CDKL1: variants seen among roughly 807,000 people sequenced by gnomAD.
CDKL1 encodes cyclin dependent kinase like 1, also known as cyclin-dependent kinase-like 1.
CDKL1 carries 41 observed loss-of-function variants against 42.0 expected under a neutral mutation model. That is an observed-to-expected ratio of 0.98 (90% CI 0.76 to 1.27). The LOEUF is 1.27. Ranked by LOEUF, CDKL1 falls within the 50% of genes most tolerant of loss-of-function variation. CDKL1 has a pLI of 0.00. For missense variants in CDKL1, 394 were observed against 428.4 expected (o/e 0.92, Z 0.71); for synonymous variants, 153 against 158.6 (o/e 0.96, Z 0.26).
At chr14:50,342,022 C>T in intron 5 of CDKL1, 110 bp downstream of exon 5, 1 of 802,986 alleles carries the variant, frequency 1.2e-6, no homozygotes, top group Non-Finnish European at 2.1e-6. Flanking sequence ...CACACTTATG[C>T]CCTAAATATA....
At chr14:50,354,151 C>T (rs558956293) in intron 3 of CDKL1, among the ~76,000 whole-genome samples, 1 of 152,122 alleles carries the variant, frequency 6.6e-6, no homozygotes, top group African/African-American at 2.4e-5. Context: ...GACGGGGTTT[C>T]ACCATGTTGG....
At chr14:50,367,492 A>C (rs1966817099) in intron 2 of CDKL1, among the ~76,000 whole-genome samples, 1 of 152,218 alleles carries the variant, frequency 6.6e-6, no homozygotes, top group South Asian at 2.1e-4. Context: ...GAATGTTTGC[A>C]TTCACAAGGG....
At chr14:50,372,299 G>A (rs2034612023) in intron 2 of CDKL1, among the ~76,000 whole-genome samples, 1 of 151,788 alleles carries the variant, frequency 6.6e-6, no homozygotes, top group Admixed American at 6.6e-5. Context: ...TGTATTTTTA[G>A]TAGAGACAGA....
chr14:50,397,215 C>T, upstream of CDKL1: 1 of 1,366,650 alleles, frequency 7.3e-7, no homozygotes, highest in Non-Finnish European at 9.8e-7. Context: ...GCAGTCCCCA[C>T]ACCTCAGAAC....
intron 2 of CDKL1, chr14:50,364,103 T>C (rs1041999293): frequency 6.6e-6 from 1 of 152,276 alleles, no homozygotes; most frequent in Non-Finnish European, 1.5e-5. Context: ...CACAGCCATA[T>C]CCATTTGTCT....
At chr14:50,347,071 G>C (rs948190558) in intron 3 of CDKL1, among the ~76,000 whole-genome samples, 2 of 152,138 alleles carry the variant, frequency 1.3e-5, no homozygotes, top group African/African-American at 4.8e-5. Flanking sequence ...TATCATTATT[G>C]CTCCTTTAAT....
intron 2 of CDKL1, among the ~76,000 whole-genome samples, chr14:50,375,814 G>A (rs1180411329): frequency 6.6e-6 from 1 of 151,984 alleles, no homozygotes; most frequent in Non-Finnish European, 1.5e-5. Context: ...AAAAATAGCG[G>A]TAAGTCATGT....
At chr14:50,336,408 A>C (rs1047240834) in intron 7 of CDKL1, among the ~76,000 whole-genome samples, 2 of 152,158 alleles carry the variant, frequency 1.3e-5, no homozygotes, top group Non-Finnish European at 2.9e-5. Flanking sequence ...TTTAGTGCAC[A>C]ACTGGGAATG....
At chr14:50,330,904 AG>A (rs2032901496) in intron 9 of CDKL1, 1 of 151,348 alleles carries the variant, frequency 6.6e-6, no homozygotes, top group Non-Finnish European at 1.5e-5. Flanking sequence ...AGTGCTTTTT[AG>A]TACTTTTAAA....
intron 8 of CDKL1, 29 bp downstream of exon 8, chr14:50,334,536 C>T (rs779631482): frequency 3.0e-6 from 4 of 1,347,818 alleles, no homozygotes; most frequent in Non-Finnish European, 4.3e-6. Flanking sequence ...CTGTGTGCTT[C>T]CTGGTCTGTT....
intron 2 of CDKL1, among the ~76,000 whole-genome samples, chr14:50,366,385 T>C (rs2034436182): frequency 6.6e-6 from 1 of 152,114 alleles, no homozygotes; most frequent in Non-Finnish European, 1.5e-5. Context: ...AGAACTTGGG[T>C]CACTTCAGCA....
intron 8 of CDKL1, chr14:50,332,722 T>G: frequency 6.6e-7 from 1 of 1,520,498 alleles, no homozygotes; most frequent in Non-Finnish European, 8.8e-7. Context: ...TTTTAGAGTT[T>G]ACCTCAGTGG....
intron 3 of CDKL1, among the ~76,000 whole-genome samples, chr14:50,355,213 A>C (rs1206578684): frequency 6.6e-6 from 1 of 152,122 alleles, no homozygotes; most frequent in Non-Finnish European, 1.5e-5. Context: ...TGGATATTTC[A>C]GTTGATTGCA....
Position 50,395,792 on chromosome 14 carries a change from G to A in CDKL1, c.77C>T (p.Thr26Met), listed in dbSNP as rs1481145094. 2 of 1,613,146 alleles carry A rather than the reference G, an allele frequency of 1.2e-6. No homozygotes were observed. Among genetic ancestry groups the A allele is most frequent in the East Asian group, 4.5e-5 (2 of 44,882 alleles). Residue 26 changes from threonine (T) to methionine (M), a missense_variant, in exon 2 of 10, where the codon ACG becomes ATG. By Grantham distance (81) the Thr-to-Met change is moderately conservative. Coordinates refer to ENST00000395834, the MANE Select transcript of CDKL1 (RefSeq NM_004196.7). ...CTTCTTGATGGCCACAATCTGACCCGTGTCCCTGTTTCTACATTTGAAAAC... is the reference window on the plus strand; with the variant it reads ...CTTCTTGATGGCCACAATCTGACCCATGTCCCTGTTTCTACATTTGAAAAC... ...GVVFKCRNRD[T>M]GQIVAIKKFL...
chr14:50,393,569 G>T (rs990651231), intron 2 of CDKL1, among the ~76,000 whole-genome samples: 3 of 152,170 alleles, frequency 2.0e-5, no homozygotes, highest in African/African-American at 7.2e-5. Flanking sequence ...GCCTTGAACT[G>T]CTGGGCTTAA....
intron 2 of CDKL1, among the ~76,000 whole-genome samples, chr14:50,387,700 C>T (rs140680285): frequency 1.3e-5 from 2 of 152,282 alleles, no homozygotes; most frequent in Admixed American, 1.3e-4. Context: ...ATTCCACAGA[C>T]ATTTGGGTTT....
chr14:50,346,776 G>A (rs1566582979), intron 3 of CDKL1, among the ~76,000 whole-genome samples: 1 of 151,602 alleles, frequency 6.6e-6, no homozygotes, highest in Non-Finnish European at 1.5e-5. Context: ...TCAGCCTCCA[G>A]TAGCTGGGAT....
intron 8 of CDKL1, 171 bp downstream of exon 8, chr14:50,334,394 C>G: frequency 1.7e-6 from 1 of 582,772 alleles, no homozygotes; most frequent in Non-Finnish European, 3.1e-6. Flanking sequence ...GGTGATCTGC[C>G]TGCCTTGGCC....
chr14:50,382,944 T>C (rs1379842411), intron 2 of CDKL1, among the ~76,000 whole-genome samples: 4 of 107,022 alleles, frequency 3.7e-5, no homozygotes, highest in Non-Finnish European at 5.9e-5. Flanking sequence ...TTTTTTTTTT[T>C]TGAGACGGAG....
Sources: allele counts gnomAD v4.1 joint callset (sites outside exome capture counted in the v4.1 genomes callset), GRCh38; gene constraint gnomAD v4.1.1; transcripts MANE v1.5; gene names NCBI Gene and HGNC (gene_info 2026-07-23, HGNC 2026-07-21).